The following NOX4 variants were observed in gnomAD, a reference collection of about 807,000 sequenced individuals.
NOX4 encodes kidney oxidase-1.
In NOX4, 69 loss-of-function variants were observed where a neutral mutation model predicts 87.6. The ratio of observed to expected loss-of-function variants is 0.79; its 90% CI spans 0.65 to 0.96. NOX4 has a LOEUF of 0.96. Ranked by LOEUF, NOX4 falls within the 40% of genes least tolerant of loss-of-function variation. NOX4 has a pLI of 0.00. For synonymous variants in NOX4, 275 were observed against 238.2 expected (o/e 1.15, Z -1.42); for missense variants, 680 against 681.5 (o/e 1.00, Z 0.02).
At chr11:89,498,445 T>C (rs1292600549), upstream of NOX4, among the ~76,000 whole-genome samples, 1 of 152,234 alleles carries the variant, frequency 6.6e-6, no homozygotes, top group African/African-American at 2.4e-5. Context: ...TTATAATTGC[T>C]ATAAAGTTGA....
chr11:89,366,120 C>T (rs1219123087), intron 12 of NOX4, among the ~76,000 whole-genome samples: 1 of 152,080 alleles, frequency 6.6e-6, no homozygotes, highest in Non-Finnish European at 1.5e-5. Context: ...CATATGCCTT[C>T]TTAGCCATTC....
At chr11:89,419,419 A>G (rs1942967511) in intron 8 of NOX4, among the ~76,000 whole-genome samples, 1 of 151,970 alleles carries the variant, frequency 6.6e-6, no homozygotes, top group Non-Finnish European at 1.5e-5. Context: ...CTTCATCAGT[A>G]TAGTTTTTTT....
the NOX4 span, among the ~76,000 whole-genome samples, chr11:89,556,701 A>AG: frequency 2.0e-5 from 3 of 152,168 alleles, no homozygotes; most frequent in East Asian, 5.8e-4. Flanking sequence ...ACCTCAATTC[A>AG]GGGGAACGGT....
the NOX4 span, among the ~76,000 whole-genome samples, chr11:89,541,919 C>T: frequency 6.6e-6 from 1 of 152,176 alleles, no homozygotes; most frequent in Non-Finnish European, 1.5e-5. Context: ...AATCCTCCCA[C>T]CTCAGCCTCC....
intron 6 of NOX4, among the ~76,000 whole-genome samples, chr11:89,438,761 AAT>A (rs1462482307): frequency 1.5e-4 from 11 of 71,016 alleles, no homozygotes; most frequent in Non-Finnish European, 2.4e-4. Context: ...TATATAATAT[AAT>A]ATAATATAAT....
chr11:89,444,269 G>A (rs1944586521), intron 4 of NOX4, 37 bp from the exon 5 acceptor site: 2 of 1,543,762 alleles, frequency 1.3e-6, no homozygotes, highest in Admixed American at 1.7e-5. Flanking sequence ...AGTGGGATTT[G>A]CATATATGCT....
chr11:89,422,661 T>C (rs899374968), intron 7 of NOX4, among the ~76,000 whole-genome samples: 1 of 152,110 alleles, frequency 6.6e-6, no homozygotes, highest in South Asian at 2.1e-4. Context: ...CCTAGATGAA[T>C]CTGATGCTTC....
chr11:89,496,394 A>T (rs1401013960), upstream of NOX4, among the ~76,000 whole-genome samples: 2 of 152,206 alleles, frequency 1.3e-5, no homozygotes, highest in Non-Finnish European at 2.9e-5. Flanking sequence ...CTGAATAATA[A>T]TGAATTTTTA....
intron 7 of NOX4, among the ~76,000 whole-genome samples, chr11:89,427,883 T>C (rs912120331): frequency 4.6e-5 from 7 of 151,978 alleles, no homozygotes; most frequent in Non-Finnish European, 8.8e-5. Flanking sequence ...ACAAAGATAC[T>C]CCTCGAGAAG....
At chr11:89,345,748 C>G (rs528784586) in intron 13 of NOX4, among the ~76,000 whole-genome samples, 28 of 152,202 alleles carry the variant, frequency 1.8e-4, no homozygotes, top group Non-Finnish European at 3.2e-4. Context: ...ATCCAACATC[C>G]CTTTATGGTA....
At position 89,334,529 on chromosome 11, in the gene NOX4, A is replaced by T. The variant is rs1271819497; in HGVS notation, c.1616+1316T>A. ...TAAAACAAAATCTTTGAAGGTAGAG[A>T]TAGGGATCATCTTGAATCAGTGATT... On this transcript the variant is annotated intron_variant, in intron 17 of 17. Coordinates refer to ENST00000263317, the MANE Select transcript of NOX4 (RefSeq NM_016931.5). 5.3e-5 allele frequency among the ~76,000 whole-genome samples: 8 copies of T among 151,852 alleles called. No individual in the cohort carries two copies. The East Asian group carries it at 1.5e-3, about 29-fold the overall frequency.
the NOX4 span, among the ~76,000 whole-genome samples, chr11:89,519,601 A>G: frequency 1.3e-5 from 2 of 152,060 alleles, no homozygotes; most frequent in Admixed American, 1.3e-4. Context: ...ATAAGTTGGT[A>G]TTCATCGGGT....
At chr11:89,344,249 C>T (rs1946122817) in intron 13 of NOX4, among the ~76,000 whole-genome samples, 1 of 151,904 alleles carries the variant, frequency 6.6e-6, no homozygotes, top group African/African-American at 2.4e-5. Flanking sequence ...TCACTTTAAA[C>T]AGTTCTTTTA....
intron 2 of NOX4, among the ~76,000 whole-genome samples, chr11:89,475,259 T>A (rs1356543490): frequency 6.6e-6 from 1 of 152,002 alleles, no homozygotes; most frequent in Non-Finnish European, 1.5e-5. Context: ...ATATAACATT[T>A]TTTAATTTTC....
At chr11:89,428,770 A>C (rs1016135831) in intron 7 of NOX4, among the ~76,000 whole-genome samples, 1 of 152,188 alleles carries the variant, frequency 6.6e-6, no homozygotes, top group Non-Finnish European at 1.5e-5. Flanking sequence ...ATAATGGGAG[A>C]CTATAACACC....
At chr11:89,470,601 ACTCT>A (rs1383917303) in intron 2 of NOX4, among the ~76,000 whole-genome samples, 2 of 151,754 alleles carry the variant, frequency 1.3e-5, no homozygotes, top group African/African-American at 4.8e-5. Flanking sequence ...TCCACCCTCC[ACTCT>A]CTCTCTATTC....
chr11:89,346,142 A>C (rs1224255048), intron 13 of NOX4, among the ~76,000 whole-genome samples: 3 of 152,204 alleles, frequency 2.0e-5, no homozygotes, highest in Non-Finnish European at 4.4e-5. Flanking sequence ...AGTAATGTTC[A>C]AGCTGAGAGC....
chr11:89,580,311 A>G, the NOX4 span, among the ~76,000 whole-genome samples: 1 of 151,972 alleles, frequency 6.6e-6, no homozygotes, highest in Admixed American at 6.6e-5. Flanking sequence ...CATCGTCCTA[A>G]AGAGCTGGGA....
chr11:89,439,151 A>G (rs540929624), intron 6 of NOX4, among the ~76,000 whole-genome samples: 1 of 148,786 alleles, frequency 6.7e-6, no homozygotes, highest in African/African-American at 2.5e-5. Flanking sequence ...TTTTCAAAGC[A>G]TTTTAAAGGT....
Sources: gnomAD v4.1 joint callset for allele counts (sites outside exome capture counted in the v4.1 genomes callset) on GRCh38, gnomAD v4.1.1 for gene constraint, MANE v1.5 for transcripts, NCBI Gene and HGNC (gene_info 2026-07-23, HGNC 2026-07-21) for gene names.